The following DNMBP variants were observed in gnomAD, a reference collection of about 807,000 sequenced individuals.
DNMBP encodes dynamin-binding protein.
In DNMBP, 87 loss-of-function variants were observed where a neutral mutation model predicts 150.0. That is an observed-to-expected ratio of 0.58 (90% CI 0.49 to 0.69). The LOEUF (loss-of-function observed/expected upper bound fraction) is 0.69. Ranked by LOEUF, DNMBP falls within the 30% of genes least tolerant of loss-of-function variation. The probability of loss-of-function intolerance (pLI) is 0.00; values close to 1 mark genes in which losing one functional copy is unlikely to be tolerated. For missense variants in DNMBP, 1,774 were observed against 1,949.0 expected (o/e 0.91, Z 1.69); for synonymous variants, 711 against 750.4 (o/e 0.95, Z 0.86).
intron 1 of DNMBP, among the ~76,000 whole-genome samples, chr10:100,000,028 CT>C (rs1195661652): frequency 6.6e-6 from 1 of 152,102 alleles, no homozygotes; most frequent in Non-Finnish European, 1.5e-5. Context: ...TTTGTGGCAG[CT>C]TTTTAATTTT....
rs531920550 is a variant in DNMBP, at chr10:99,976,869, C to T, written c.-10-4735G>A. On this transcript the variant is annotated intron_variant, in intron 1 of 16. Transcript: ENST00000324109. ...GTTATTAAAACTATTCCTTAACCTT[C>T]GGCCAAATTAGATACTATTTTTCTT... is the stretch of plus-strand genomic sequence containing the variant. Among the ~76,000 whole-genome samples, 4 of 151,940 alleles carry T rather than the reference C, an allele frequency of 2.6e-5. 1 individual carries two copies. The South Asian group carries it at 6.2e-4, about 24-fold the overall frequency.
chr10:99,970,267 C>T (rs1399741184), intron 2 of DNMBP, among the ~76,000 whole-genome samples: 1 of 152,192 alleles, frequency 6.6e-6, no homozygotes, highest in African/African-American at 2.4e-5. Context: ...CGAAGGACTC[C>T]AACCCAGACT....
Position 99,886,506 on chromosome 10 carries a change from C to T in DNMBP, c.3412G>A (p.Ala1138Thr). 6.2e-7 allele frequency: 1 copy of T among 1,614,168 alleles called. No individual in the cohort carries two copies. Among genetic ancestry groups the T allele is most frequent in the Non-Finnish European group, 8.5e-7 (1 of 1,180,032 alleles). Residue 1138 changes from alanine to threonine, a missense_variant, in exon 13 of 17, where the codon GCA becomes ACA. Transcript: ENST00000324109. ...GTCTTCTTGTCCTTTAGCTTTTCTG[C>T]CCGTTCTGTACAGTTATAGAAGTCC... ...LLDFYNCTER[A>T]EKLKDKKTLE...
intron 4 of DNMBP, among the ~76,000 whole-genome samples, chr10:99,933,347 A>C (rs1042702084): frequency 3.9e-5 from 6 of 152,086 alleles, no homozygotes; most frequent in Admixed American, 3.3e-4. Flanking sequence ...TATTGAACTA[A>C]ATAATCTCTA....
chr10:99,962,358 G>A lies in DNMBP; in HGVS notation c.269-5153C>T, dbSNP rs907155540. 6.6e-5 allele frequency among the ~76,000 whole-genome samples: 10 copies of A among 152,192 alleles called. No individual in the cohort carries two copies. In the East Asian group the frequency reaches 7.7e-4, roughly 12 times the overall value. On this transcript the variant is annotated intron_variant, in intron 3 of 16. Transcript: ENST00000324109. Reference sequence around the variant, plus strand: ...GTCCTAAAAAATCACAAGGCTGGGCGCAGTGGCTCACGCCTGTAATCCCAG... The same window carrying A: ...GTCCTAAAAAATCACAAGGCTGGGCACAGTGGCTCACGCCTGTAATCCCAG...
intron 6 of DNMBP, among the ~76,000 whole-genome samples, chr10:99,902,730 C>G (rs949377089): frequency 6.6e-6 from 1 of 151,252 alleles, no homozygotes; most frequent in Non-Finnish European, 1.5e-5. Context: ...CAGTTCGAGA[C>G]CAGCCTGGCC....
intron 4 of DNMBP, among the ~76,000 whole-genome samples, chr10:99,949,640 T>C (rs1379626835): frequency 1.3e-5 from 2 of 152,202 alleles, no homozygotes; most frequent in Non-Finnish European, 2.9e-5. Context: ...AACATTAACA[T>C]ACCCAATACT....
At position 99,880,013 on chromosome 10, in the gene DNMBP, G is replaced by C; in HGVS notation, c.4346C>G (p.Ser1449Cys). The change falls in exon 16 of 17, where the codon TCT becomes TGT. Residue 1449 changes from serine to cysteine, a missense_variant. This residue lies in a region of DNMBP where 1,430 missense variants were observed against 1,492.5 expected (regional missense o/e 0.96). Transcript: ENST00000324109. The stretch of plus-strand genomic sequence containing the variant: ...CTTTACATCTCTAGCTACATCTGCA[G>C]AGTCCCCTGACCTTGGCTGGGAGGT... Reference protein sequence around the residue: ...DSTSQPRSGDSADVARDVKQP... With the variant: ...DSTSQPRSGDCADVARDVKQP... The C allele has an allele frequency of 1.2e-6, 2 of 1,614,230 alleles. No homozygotes were observed. Among genetic ancestry groups the C allele is most frequent in the Non-Finnish European group, 8.5e-7 (1 of 1,180,040 alleles).
In DNMBP at chr10:99,879,921, GT is replaced by G; in HGVS notation, c.4437del (p.Pro1480GlnfsTer53). The stretch of plus-strand genomic sequence containing the variant: ...TCTTGACTTTGCCCATTTCGTCCTG[GT>G]ACGGAGTAGCCAACTATTTCTGGAT... ...FRHPEIVGYS[V>X]PGRNGQSQDL... On this transcript the variant is annotated frameshift_variant, in exon 16 of 17. Transcript: ENST00000324109. LOFTEE classifies it high-confidence loss of function. 1 of 1,614,224 alleles carries G rather than the reference GT, an allele frequency of 6.2e-7. No individual in the cohort carries two copies.
chr10:99,924,064 G>A (rs1189226469), intron 4 of DNMBP, among the ~76,000 whole-genome samples: 2 of 152,152 alleles, frequency 1.3e-5, no homozygotes, highest in Non-Finnish European at 2.9e-5. Flanking sequence ...TGAGACAGGA[G>A]AATCGCTTGA....
chr10:99,896,588 G>C (rs934531080), intron 9 of DNMBP, 191 bp from the exon 10 acceptor site: 1 of 584,106 alleles, frequency 1.7e-6, no homozygotes, highest in African/African-American at 1.9e-5. Context: ...GGGCAGCCAG[G>C]AGAGGGGCCA....
At chr10:99,940,533 G>A (rs1270437060) in intron 4 of DNMBP, among the ~76,000 whole-genome samples, 1 of 152,038 alleles carries the variant, frequency 6.6e-6, no homozygotes, top group East Asian at 1.9e-4. Context: ...TCCTCTCCCT[G>A]CTTCTTCAAT....
chr10:99,903,101 A>ATT lies in DNMBP; in HGVS notation c.2555-3037_2555-3036dup, dbSNP rs35462310. On this transcript the variant is annotated intron_variant, in intron 6 of 16. Transcript: ENST00000324109. ...AGGTATGTGCTACCACACCTGGGCA[A>ATT]TTTTTTTTTTTTTTTTTTTTGTAGA... 1.9e-3 allele frequency among the ~76,000 whole-genome samples: 250 copies of ATT among 134,432 alleles called. 2 individuals are homozygous for ATT. The highest frequency in any genetic ancestry group is 1.9e-3 in the African/African-American group (70 of 36,126). The allele number at this position is 134,432 out of a possible 152,430, so 88.2% of individuals were successfully genotyped here.
chr10:99,939,765 CAG>C (rs2040273899), intron 4 of DNMBP, among the ~76,000 whole-genome samples: 2 of 152,268 alleles, frequency 1.3e-5, no homozygotes, highest in African/African-American at 4.8e-5. Context: ...ATCACCCCTG[CAG>C]ATAACGCCAT....
chr10:99,898,667 T>C, intron 8 of DNMBP, 76 bp downstream of exon 8: 4 of 1,496,580 alleles, frequency 2.7e-6, no homozygotes, highest in Non-Finnish European at 2.8e-6. Flanking sequence ...AGGAAGAAAA[T>C]ACAGTTGCTT....
chr10:100,007,415 G>A (rs2041086749), intron 1 of DNMBP, among the ~76,000 whole-genome samples: 2 of 152,070 alleles, frequency 1.3e-5, no homozygotes, highest in South Asian at 4.2e-4. Flanking sequence ...CCCCCCACAA[G>A]CACATACAGG....
intron 4 of DNMBP, among the ~76,000 whole-genome samples, chr10:99,909,500 A>G (rs1410360288): frequency 6.6e-6 from 1 of 152,238 alleles, no homozygotes; most frequent in East Asian, 1.9e-4. Flanking sequence ...AACATGGTCC[A>G]TGATCAAAGC....
intron 4 of DNMBP, chr10:99,914,008 G>A (rs777136847): frequency 7.9e-5 from 119 of 1,506,940 alleles, no homozygotes; most frequent in East Asian, 4.8e-4. Context: ...GTAAGCAGGC[G>A]GGACAGAATC....
In DNMBP at chr10:99,955,603, T is replaced by TG; in HGVS notation, c.1870dup (p.His624ProfsTer5). The TG allele has an allele frequency of 6.2e-7, 1 of 1,613,498 alleles. No individual in the cohort carries two copies. Among genetic ancestry groups the TG allele is most frequent in the Non-Finnish European group, 8.5e-7 (1 of 1,179,614 alleles). ...TTTTAGGTTCTGGTCAACCAGCAAA[T>TG]GGGGAGAAGTGGATACCGGAGTACA... On this transcript the variant is annotated frameshift_variant, in exon 4 of 17. Coordinates refer to ENST00000324109, the MANE Select transcript of DNMBP (RefSeq NM_015221.4). LOFTEE classifies it high-confidence loss of function.
Sources: gnomAD v4.1 joint callset for allele counts (sites outside exome capture counted in the v4.1 genomes callset) on GRCh38, gnomAD v4.1.1 for gene constraint, gnomAD v4.1.1 regional missense constraint, MANE v1.5 for transcripts, NCBI Gene and HGNC (gene_info 2026-07-23, HGNC 2026-07-21) for gene names.